LIN28B: variants seen among roughly 807,000 people sequenced by gnomAD.
LIN28B encodes protein lin-28 homolog B.
A neutral mutation model predicts 21.9 loss-of-function variants in LIN28B; 5 were observed. That is an observed-to-expected ratio of 0.23 (90% CI 0.12 to 0.48). LIN28B has a LOEUF of 0.48. LIN28B is among the 20% of genes least tolerant of loss of function. The probability of loss-of-function intolerance (pLI) is 0.98; values close to 1 mark genes in which losing one functional copy is unlikely to be tolerated. For missense variants in LIN28B, 245 were observed against 310.5 expected (o/e 0.79, Z 1.58); for synonymous variants, 109 against 111.3 (o/e 0.98, Z 0.13).
chr6:104,952,348 A>T (rs186399612), upstream of LIN28B, among the ~76,000 whole-genome samples: 1 of 152,326 alleles, frequency 6.6e-6, no homozygotes, highest in African/African-American at 2.4e-5. Flanking sequence ...TGGGCAAAGT[A>T]ATGTAAAACT....
upstream of LIN28B, among the ~76,000 whole-genome samples, chr6:104,953,868 C>T (rs144034017): frequency 7.6e-4 from 116 of 152,258 alleles, no homozygotes; most frequent in African/African-American, 2.6e-3. Flanking sequence ...TAAGAAGAAC[C>T]GAAGCATTGT....
intron 2 of LIN28B, among the ~76,000 whole-genome samples, chr6:104,998,905 A>G (rs1269345369): frequency 6.6e-6 from 1 of 152,210 alleles, no homozygotes; most frequent in Non-Finnish European, 1.5e-5. Flanking sequence ...AGACTTAAAT[A>G]GCTTGTAGAA....
intron 3 of LIN28B, among the ~76,000 whole-genome samples, chr6:104,950,738 C>G (rs1397689561): frequency 6.6e-6 from 1 of 151,836 alleles, no homozygotes; most frequent in African/African-American, 2.4e-5. Context: ...CCCTTTCCCC[C>G]CACCCCCACT....
At chr6:104,952,933 T>G (rs976936520), upstream of LIN28B, among the ~76,000 whole-genome samples, 2 of 152,196 alleles carry the variant, frequency 1.3e-5, no homozygotes, top group African/African-American at 4.8e-5. Flanking sequence ...AATTTTGCTT[T>G]TTGGAAACAA....
chr6:104,992,117 G>A (rs1770499904), intron 2 of LIN28B, among the ~76,000 whole-genome samples: 1 of 151,884 alleles, frequency 6.6e-6, no homozygotes. Flanking sequence ...CCAGGTTGGA[G>A]TTCATGCGAT....
intron 3 of LIN28B, among the ~76,000 whole-genome samples, chr6:105,057,536 A>G (rs1772043697): frequency 6.6e-6 from 1 of 152,102 alleles, no homozygotes; most frequent in African/African-American, 2.4e-5. Context: ...CTCTTTCTGT[A>G]TATGTATATT....
Position 105,026,227 on chromosome 6 carries a change from A to T in LIN28B, c.199-71A>T. ...GAGTATCTTTCTTTTTTAAAATTAT[A>T]GAGATAATTTATAAAGCAATGATAA... On this transcript the variant is annotated intron_variant, in intron 2 of 3. Transcript: ENST00000345080. 4 of 776,862 alleles carry T rather than the reference A, an allele frequency of 5.1e-6. No individual in the cohort carries two copies. The African/African-American group carries it at 5.3e-5, about 10-fold the overall frequency. The allele number at this position is 776,862 out of a possible 1,614,324, so 48.1% of individuals were successfully genotyped here.
intron 2 of LIN28B, among the ~76,000 whole-genome samples, chr6:105,008,667 C>T (rs1284940103): frequency 6.6e-6 from 1 of 151,632 alleles, no homozygotes; most frequent in Non-Finnish European, 1.5e-5. Flanking sequence ...AAGAGCATAC[C>T]AATATCAAGT....
chr6:104,995,809 A>G (rs1770586652), intron 2 of LIN28B, among the ~76,000 whole-genome samples: 1 of 152,230 alleles, frequency 6.6e-6, no homozygotes, highest in East Asian at 1.9e-4. Flanking sequence ...GAACTGTAAA[A>G]ACATGATGAA....
rs1380727984 is a variant in LIN28B, at chr6:105,079,628, GCTT to G, written c.*849_*851del. The G allele has an allele frequency of 6.6e-6, 1 of 152,582 alleles. No homozygotes were observed. The highest frequency in any genetic ancestry group is 2.4e-5 in the African/African-American group (1 of 41,436). 9.5% of individuals were successfully genotyped at this position (152,582 alleles called of 1,614,324 possible). On this transcript the variant is annotated 3_prime_UTR_variant, in exon 4 of 4. Coordinates refer to ENST00000345080, the MANE Select transcript of LIN28B (RefSeq NM_001004317.4). ...TGTTTTCAGTAGTATTTTAATATCA[GCTT>G]CTTGTAACCTTTTCCATGTTGTGAG...
At chr6:104,945,464 T>G (rs969907625) in intron 2 of LIN28B, among the ~76,000 whole-genome samples, 10 of 152,102 alleles carry the variant, frequency 6.6e-5, no homozygotes, top group Non-Finnish European at 1.5e-4. Flanking sequence ...TCCTTGTTAT[T>G]ATTGTAATTA....
At chr6:105,050,154 CATGTTT>C (rs1228322565) in intron 3 of LIN28B, among the ~76,000 whole-genome samples, 1 of 152,122 alleles carries the variant, frequency 6.6e-6, no homozygotes, top group East Asian at 1.9e-4. Context: ...TGTTCCTTTC[CATGTTT>C]AGTGCTTCCT....
intron 2 of LIN28B, chr6:104,940,490 G>GT (rs1331955663): frequency 1.9e-4 from 29 of 153,232 alleles, no homozygotes; most frequent in African/African-American, 6.5e-4. Context: ...CGCTTCGGGG[G>GT]TTCGGGGGCG....
At chr6:104,995,208 G>A (rs1770574689) in intron 2 of LIN28B, among the ~76,000 whole-genome samples, 1 of 152,190 alleles carries the variant, frequency 6.6e-6, no homozygotes, top group Non-Finnish European at 1.5e-5. Flanking sequence ...TCTAGGAAAA[G>A]GGTAAAGGAG....
intron 3 of LIN28B, among the ~76,000 whole-genome samples, chr6:105,069,214 T>C (rs533484426): frequency 9.9e-5 from 15 of 152,208 alleles, no homozygotes; most frequent in Non-Finnish European, 1.5e-4. Flanking sequence ...TGAGACCCTG[T>C]CTCAAAAAGC....
At chr6:105,035,399 T>A (rs959862698) in intron 3 of LIN28B, among the ~76,000 whole-genome samples, 3 of 152,136 alleles carry the variant, frequency 2.0e-5, no homozygotes, top group Non-Finnish European at 4.4e-5. Context: ...GAGAAATCTT[T>A]CAGGCATGAA....
At position 105,063,016 on chromosome 6, in the gene LIN28B, T is replaced by C. The variant is rs535559844; in HGVS notation, c.384-15398T>C. Among the ~76,000 whole-genome samples the C allele has an allele frequency of 1.0e-3, 158 of 152,328 alleles. 1 individual carries two copies. The highest frequency in any genetic ancestry group is 3.6e-3 in the African/African-American group (149 of 41,584). On this transcript the variant is annotated intron_variant, in intron 3 of 3. Transcript: ENST00000345080. ...GGTAAAATACTGTCACGTGTTCTTT[T>C]AGTAAAAATTTTTGTCCAAAAATGT...
Position 105,080,460 on chromosome 6 carries a change from T to C in LIN28B, c.*1677T>C, listed in dbSNP as rs1772523087. On this transcript the variant is annotated 3_prime_UTR_variant, in exon 4 of 4. Coordinates refer to ENST00000345080, the MANE Select transcript of LIN28B (RefSeq NM_001004317.4). Reference sequence around the variant, plus strand: ...TGTCATGGGAGACGTGTATAGTTGCTGCTGTTTCAGCAAACCACCATAAGA... The same window carrying C: ...TGTCATGGGAGACGTGTATAGTTGCCGCTGTTTCAGCAAACCACCATAAGA... 2 of 152,634 alleles carry C rather than the reference T, an allele frequency of 1.3e-5. No homozygotes were observed. Among genetic ancestry groups the C allele is most frequent in the Non-Finnish European group, 2.9e-5 (2 of 68,034 alleles). The allele number at this position is 152,634 out of a possible 1,614,324, so 9.5% of individuals were successfully genotyped here.
At chr6:105,047,319 G>A (rs928790403) in intron 3 of LIN28B, among the ~76,000 whole-genome samples, 2 of 152,204 alleles carry the variant, frequency 1.3e-5, no homozygotes, top group African/African-American at 4.8e-5. Flanking sequence ...TCAAAGATCA[G>A]ATGGTTGTAG....
Sources: allele counts gnomAD v4.1 joint callset (sites outside exome capture counted in the v4.1 genomes callset), GRCh38; gene constraint gnomAD v4.1.1; transcripts MANE v1.5; gene names NCBI Gene and HGNC (gene_info 2026-07-23, HGNC 2026-07-21).